PRKDC: variants seen among roughly 807,000 people sequenced by gnomAD.
The protein encoded by PRKDC is DNA-dependent protein kinase catalytic subunit.
PRKDC carries 82 observed loss-of-function variants against 486.9 expected under a neutral mutation model. The observed-to-expected ratio is 0.17, with a 90% CI of 0.14 to 0.20. The LOEUF (loss-of-function observed/expected upper bound fraction) is 0.20. PRKDC is among the 10% of genes least tolerant of loss of function. The pLI, the probability that PRKDC is intolerant of heterozygous loss-of-function variation, is 1.00. For missense variants in PRKDC, 4,504 were observed against 5,038.2 expected, an observed-to-expected ratio of 0.89 and a Z score of 3.21; for synonymous variants, 1,895 against 1,837.0, an observed-to-expected ratio of 1.03 and a Z score of -0.81.
chr8:47,854,391 G>A (rs2088485270), intron 50 of PRKDC, among the ~76,000 whole-genome samples, 177 bp from the exon 51 acceptor site: 1 of 152,160 alleles, frequency 6.6e-6, no homozygotes, highest in Non-Finnish European at 1.5e-5. Context: ...AGGCTGGAGT[G>A]CAGTTGGCAT....
chr8:47,860,440 C>A (rs1216812168), intron 45 of PRKDC, among the ~76,000 whole-genome samples: 1 of 152,196 alleles, frequency 6.6e-6, no homozygotes, highest in African/African-American at 2.4e-5. Context: ...AGAAGGGCTG[C>A]AGGGGAGGGA....
chr8:47,913,911 C>T lies in PRKDC; in HGVS notation c.2771G>A (p.Arg924Lys). The T allele has an allele frequency of 6.3e-7, 1 of 1,599,550 alleles. No homozygotes were observed. The highest frequency in any genetic ancestry group is 1.7e-4 in the Middle Eastern group (1 of 5,996). Residue 924 changes from arginine (R) to lysine (K), a missense_variant, in exon 24 of 86, where the codon AGA becomes AAA. Coordinates refer to ENST00000314191, the MANE Select transcript of PRKDC (RefSeq NM_006904.7). ...GAAAAATAGAAGTACTTTAGTTTGT[C>T]TGTCACTGGCTGTGAGCGCTAATTC... ...VTELALTASDRQTKVAACELL... is the reference protein window; with the variant it reads ...VTELALTASDKQTKVAACELL...
chr8:47,909,637 A>G (rs1192564816), intron 25 of PRKDC, among the ~76,000 whole-genome samples: 2 of 152,220 alleles, frequency 1.3e-5, no homozygotes, highest in Non-Finnish European at 2.9e-5. Flanking sequence ...GAAAGCCTAT[A>G]GACGGATGTG....
chr8:47,773,957 CACCTAATCTTTGATGTTACTATA>C lies in PRKDC; in HGVS notation c.*193_*215del. The C allele has an allele frequency of 2.0e-6, 1 of 490,982 alleles. No homozygotes were observed. Among genetic ancestry groups the C allele is most frequent in the Admixed American group, 3.5e-5 (1 of 28,224 alleles). 30.4% of individuals were successfully genotyped at this position (490,982 alleles called of 1,614,324 possible). On this transcript the variant is annotated 3_prime_UTR_variant, in exon 86 of 86. Transcript: ENST00000314191. ...TGGATATCTATCTTTCTATAAACCT[CACCTAATCTTTGATGTTACTATA>C]ACCTTATCTTTGATTTAACCCATAC...
intron 21 of PRKDC, among the ~76,000 whole-genome samples, chr8:47,919,475 C>T (rs1440717968): frequency 2.6e-5 from 4 of 152,200 alleles, no homozygotes; most frequent in African/African-American, 9.6e-5. Flanking sequence ...AGTTCTACAA[C>T]TATAAAGTCA....
chr8:47,935,150 A>G, intron 13 of PRKDC, 92 bp from the exon 14 acceptor site: 1 of 905,670 alleles, frequency 1.1e-6, no homozygotes, highest in Non-Finnish European at 1.7e-6. Context: ...TATATTTTGG[A>G]ACCCAACTTT....
At chr8:47,895,005 T>C (rs552119931) in intron 30 of PRKDC, among the ~76,000 whole-genome samples, 5 of 152,072 alleles carry the variant, frequency 3.3e-5, no homozygotes, top group Non-Finnish European at 7.4e-5. Flanking sequence ...AAGCTCAGTT[T>C]ATGGCTGCAG....
chr8:47,782,827 A>G lies in PRKDC; in HGVS notation c.11176-229T>C, dbSNP rs911418124. The G allele has an allele frequency of 1.2e-5, 7 of 576,632 alleles. No homozygotes were observed. The highest frequency in any genetic ancestry group is 7.5e-5 in the African/African-American group (4 of 53,568). The allele number at this position is 576,632 out of a possible 1,614,324, so 35.7% of individuals were successfully genotyped here. ...TATAAATACTTGCTTATGAATGTGGATATCTTTAGCAAGCAGCAACAGCCA... is the reference window on the plus strand; with the variant it reads ...TATAAATACTTGCTTATGAATGTGGGTATCTTTAGCAAGCAGCAACAGCCA... On this transcript the variant is annotated intron_variant, in intron 78 of 85. Transcript: ENST00000314191. The surrounding 1 kb of genome is among the most constrained non-coding windows in gnomAD (Gnocchi z 4.9).
At chr8:47,941,450 C>T (rs1313477777) in intron 10 of PRKDC, among the ~76,000 whole-genome samples, 2 of 152,152 alleles carry the variant, frequency 1.3e-5, no homozygotes, top group Non-Finnish European at 2.9e-5. Flanking sequence ...GAAGCCGAGA[C>T]CCAACAACCC....
rs376228676 is a variant in PRKDC at position 47,934,024 on chromosome 8, G to T, written c.1564C>A (p.Pro522Thr). ...AGATCCACGTAGTCTTTGTATGTGG[G>T]CACCTTCCATTTGCCAGTTCTGACT... Reference protein sequence around the residue: ...GEVRTGKWKVPTYKDYVDLFR... With the variant: ...GEVRTGKWKVTTYKDYVDLFR... The change falls in exon 15 of 86, where the codon CCC becomes ACC. Residue 522 changes from proline (P) to threonine (T), a missense_variant. Physicochemically the swap from Pro to Thr is conservative, Grantham distance 38. Around this residue, in one of 6 missense-constraint regions of PRKDC, gnomAD observed 1,969 missense variants for 2,068.9 expected, o/e 0.95. Coordinates refer to ENST00000314191, the MANE Select transcript of PRKDC (RefSeq NM_006904.7). 7 of 1,613,426 alleles carry T rather than the reference G, an allele frequency of 4.3e-6. No homozygotes were observed. In the Admixed American group the frequency reaches 8.3e-5, roughly 19 times the overall value.
chr8:47,860,463 G>C (rs1424902359), intron 45 of PRKDC, among the ~76,000 whole-genome samples: 1 of 152,210 alleles, frequency 6.6e-6, no homozygotes, highest in Non-Finnish European at 1.5e-5. Flanking sequence ...CGGCAGGTCA[G>C]GGGCCTTGAG....
chr8:47,855,688 C>T (rs1039487638), intron 49 of PRKDC, among the ~76,000 whole-genome samples: 7 of 152,224 alleles, frequency 4.6e-5, no homozygotes, highest in Admixed American at 3.9e-4. Flanking sequence ...GGACAGGGGT[C>T]GCCTGCAGGG....
At position 47,912,484 on chromosome 8, in the gene PRKDC, C is replaced by T; in HGVS notation, c.2860G>A (p.Gly954Arg). Residue 954 changes from glycine to arginine, a missense_variant, in exon 25 of 86, where the codon GGA (glycine) becomes AGA (arginine). Transcript: ENST00000314191. ...TAGAGCTGGTACATGGGTGGGGCTC[C>T]CTGTCCCCCTTCTGGCATCTGCGTG... The part of the protein sequence containing the change: ...KATQMPEGGQ[G>R]APPMYQLYKR... 2 of 1,612,722 alleles carry T rather than the reference C, an allele frequency of 1.2e-6. No homozygotes were observed. Among genetic ancestry groups the T allele is most frequent in the Non-Finnish European group, 1.7e-6 (2 of 1,179,210 alleles).
intron 54 of PRKDC, among the ~76,000 whole-genome samples, chr8:47,840,608 T>C (rs2088118419): frequency 6.6e-6 from 1 of 152,240 alleles, no homozygotes; most frequent in East Asian, 1.9e-4. Flanking sequence ...TATAAAAAGT[T>C]TATTTTTAGA....
chr8:47,912,086 C>A (rs2154502772), intron 25 of PRKDC, among the ~76,000 whole-genome samples: 1 of 152,222 alleles, frequency 6.6e-6, no homozygotes, highest in Non-Finnish European at 1.5e-5. Context: ...TTATTTCTCT[C>A]TTCTTCCCTT....
In PRKDC at chr8:47,828,215, G is replaced by T. The variant is rs778231625; in HGVS notation, c.8530C>A (p.Leu2844Ile). Residue 2844 changes from leucine (L) to isoleucine (I), a missense_variant, in exon 62 of 86, where the codon CTT (leucine) becomes ATT (isoleucine). Leu to Ile is a conservative substitution (Grantham distance 5). Transcript: ENST00000314191. The part of the protein sequence containing the change: ...QKLLQDFNRF[L>I]NTTFSFFPPF... Reference sequence around the variant, plus strand: ...GGAAAGAAAGAGAAGGTGGTATTAAGAAAACGATTGAAGTCTTGAAGCAAC... The same window carrying T: ...GGAAAGAAAGAGAAGGTGGTATTAATAAAACGATTGAAGTCTTGAAGCAAC... 1 of 1,613,860 alleles carries T rather than the reference G, an allele frequency of 6.2e-7. No individual in the cohort carries two copies. The highest frequency in any genetic ancestry group is 2.2e-5 in the East Asian group (1 of 44,864).
At position 47,794,314 on chromosome 8, in the gene PRKDC, T is replaced by C. The variant is rs1230335610; in HGVS notation, c.10646A>G (p.His3549Arg). Reference protein sequence around the residue: ...SYSFKDTSTGHKNKEFVARIK... With the variant: ...SYSFKDTSTGRKNKEFVARIK... ...CCTTGCCACAAACTCCTTATTCTTA[T>C]GACCAGTAGAAGTATCCTTGAAGGA... The change falls in exon 74 of 86, where the codon CAT (histidine) becomes CGT (arginine). Residue 3549 changes from histidine to arginine, a missense_variant. Around this residue, in one of 6 missense-constraint regions of PRKDC, gnomAD observed 706 missense variants for 945.0 expected, o/e 0.75. Coordinates refer to ENST00000314191, the MANE Select transcript of PRKDC (RefSeq NM_006904.7). 2.5e-6 allele frequency: 4 copies of C among 1,612,892 alleles called. No individual in the cohort carries two copies. In the East Asian group the frequency reaches 8.9e-5, roughly 36 times the overall value.
intron 70 of PRKDC, among the ~76,000 whole-genome samples, chr8:47,802,076 T>C (rs1034673204): frequency 6.6e-6 from 1 of 152,100 alleles, no homozygotes; most frequent in African/African-American, 2.4e-5. Flanking sequence ...TCTTCTTCTT[T>C]TTTTAGAAAC....
At chr8:47,799,108 T>C (rs1173250321) in intron 72 of PRKDC, 102 bp downstream of exon 72, 1 of 1,403,646 alleles carries the variant, frequency 7.1e-7, no homozygotes, top group African/African-American at 1.4e-5. Context: ...TCAAAATATT[T>C]GTAATTTGAA....
Sources: allele counts gnomAD v4.1 joint callset (sites outside exome capture counted in the v4.1 genomes callset), GRCh38; gene constraint gnomAD v4.1.1; regional missense constraint gnomAD v4.1.1; non-coding constraint Gnocchi (gnomAD v3.1); transcripts MANE v1.5; gene names NCBI Gene and HGNC (gene_info 2026-07-23, HGNC 2026-07-21).